Variants in DENND4A observed in about 807,000 individuals in gnomAD.
DENND4A encodes DENN domain containing 4A, also known as C-myc promoter-binding protein.
Under a neutral mutation model 199.3 loss-of-function variants are expected in DENND4A, and 70 were observed. The ratio of observed to expected loss-of-function variants is 0.35; its 90% CI spans 0.29 to 0.43. DENND4A has a LOEUF of 0.43. Among genes scored for constraint, DENND4A ranks in the 20% least tolerant of loss-of-function variants. The pLI, the probability that DENND4A is intolerant of heterozygous loss-of-function variation, is 1.00. For synonymous variants in DENND4A, 686 were observed against 766.9 expected (o/e 0.89, Z 1.74); for missense variants, 1,723 against 2,255.8 (o/e 0.76, Z 4.78).
Position 65,691,225 on chromosome 15 carries a change from A to C in DENND4A, c.3369T>G (p.Thr1123=). The change falls in exon 23 of 33, where the codon ACT becomes ACG. Residue 1123 remains threonine, a synonymous_variant. Transcript: ENST00000443035. ...TTAAAGGTGGCTTCCCAATATCAAG[A>C]GTATTTGGTCTCGTGCTTTTTGAGA... ...NVISKSTRPN[T]LDIGKPPLRS... is the part of the protein sequence containing the mutation. 6.2e-7 allele frequency: 1 copy of C among 1,613,400 alleles called. No individual in the cohort carries two copies. Among genetic ancestry groups the C allele is most frequent in the Non-Finnish European group, 8.5e-7 (1 of 1,179,652 alleles).
intron 23 of DENND4A, among the ~76,000 whole-genome samples, chr15:65,689,861 A>C (rs971396658): frequency 2.0e-5 from 3 of 152,182 alleles, no homozygotes; most frequent in African/African-American, 4.8e-5. Flanking sequence ...TCATGCCCAT[A>C]ATGAGCAAAT....
At chr15:65,709,615 A>G (rs1284225161) in intron 14 of DENND4A, among the ~76,000 whole-genome samples, 1 of 144,946 alleles carries the variant, frequency 6.9e-6, no homozygotes, top group East Asian at 2.1e-4. Flanking sequence ...AACTGCTTGA[A>G]CCCAGGAGAC....
intron 1 of DENND4A, among the ~76,000 whole-genome samples, chr15:65,788,077 A>ATTTTTTT (rs201917436): frequency 6.7e-6 from 1 of 149,568 alleles, no homozygotes; most frequent in African/African-American, 2.5e-5. Flanking sequence ...TTATTTATTT[A>ATTTTTTT]TTTATTTTTT....
Position 65,738,652 on chromosome 15 carries a change from A to G in DENND4A, c.801+54T>C, listed in dbSNP as rs577193683. On this transcript the variant is annotated intron_variant, in intron 6 of 32. Transcript: ENST00000443035. Reference sequence around the variant, plus strand: ...CCCCTACTATTCCTTGCATTATAGAAAACTTGAAAATGTACAAGAAATTTG... The same window carrying G: ...CCCCTACTATTCCTTGCATTATAGAGAACTTGAAAATGTACAAGAAATTTG... 1.6e-5 allele frequency: 24 copies of G among 1,502,218 alleles called. No homozygotes were observed. The South Asian group carries it at 3.1e-4, about 19-fold the overall frequency. The allele number at this position is 1,502,218 out of a possible 1,614,324, so 93.1% of individuals were successfully genotyped here. A position where few individuals can be genotyped will look rare whatever the true frequency, so the allele number is the denominator to read the frequency against.
At chr15:65,764,722 C>T (rs539915644) in intron 1 of DENND4A, among the ~76,000 whole-genome samples, 19 of 151,580 alleles carry the variant, frequency 1.3e-4, no homozygotes, top group African/African-American at 3.9e-4. Flanking sequence ...GCCTGTAATC[C>T]CAGCACTCTG....
intron 22 of DENND4A, among the ~76,000 whole-genome samples, chr15:65,694,712 C>T (rs1190701921): frequency 1.3e-5 from 2 of 152,068 alleles, no homozygotes; most frequent in African/African-American, 4.8e-5. Flanking sequence ...TGGTCTTTGG[C>T]AGCAGTAATA....
intron 1 of DENND4A, among the ~76,000 whole-genome samples, chr15:65,785,589 G>T (rs74366807): frequency 0.013 from 1,923 of 150,986 alleles, 46 homozygotes; most frequent in African/African-American, 0.045. Flanking sequence ...TAAAATTACC[G>T]AAAAATGTAG....
At chr15:65,732,699 ACAGAGCCAATAACAACTC>A in intron 8 of DENND4A, 35 bp downstream of exon 8, 1 of 1,039,350 alleles carries the variant, frequency 9.6e-7, no homozygotes, top group Non-Finnish European at 1.4e-6. Flanking sequence ...TTACATTTTG[ACAGAGCCAATAACAACTC>A]ATAGGTCCCC....
intron 13 of DENND4A, among the ~76,000 whole-genome samples, chr15:65,716,910 G>A (rs12900061): frequency 0.2 from 30,059 of 151,902 alleles, 3,996 homozygotes; most frequent in East Asian, 0.73. Context: ...AGCACCTGTT[G>A]TTTCCTGACT....
At chr15:65,746,414 T>G (rs1313883142) in intron 4 of DENND4A, among the ~76,000 whole-genome samples, 6 of 125,598 alleles carry the variant, frequency 4.8e-5, no homozygotes, top group Middle Eastern at 4.3e-3. Flanking sequence ...TGAGACGGAG[T>G]CTCGTTCTGT....
chr15:65,683,494 A>G (rs1161242965), intron 23 of DENND4A, among the ~76,000 whole-genome samples: 2 of 152,182 alleles, frequency 1.3e-5, no homozygotes. Flanking sequence ...AATCACTTCT[A>G]ACTACAGCAC....
In DENND4A at chr15:65,659,335, T is replaced by TTG. The variant is rs1566974987; in HGVS notation, c.*2515_*2516insCA. 7.7e-6 allele frequency: 1 copy of TTG among 129,242 alleles called. No homozygotes were observed. Among genetic ancestry groups the TTG allele is most frequent in the African/African-American group, 2.8e-5 (1 of 35,380 alleles). 8.0% of individuals were successfully genotyped at this position (129,242 alleles called of 1,614,324 possible). A position where few individuals can be genotyped will look rare whatever the true frequency, so the allele number is the denominator to read the frequency against. ...TGATATTTTCTGGTTTTTTTTTTTT[T>TTG]TTTTTTTTTTTTTTTTGAGACAGGG... On this transcript the variant is annotated 3_prime_UTR_variant, in exon 33 of 33. Transcript: ENST00000443035.
chr15:65,692,769 A>G (rs1455235620), intron 22 of DENND4A, among the ~76,000 whole-genome samples: 1 of 152,178 alleles, frequency 6.6e-6, no homozygotes, highest in Non-Finnish European at 1.5e-5. Flanking sequence ...AAATATTACT[A>G]AAGACCTGGA....
intron 23 of DENND4A, among the ~76,000 whole-genome samples, chr15:65,688,096 TTC>T (rs869223373): frequency 2.0e-4 from 31 of 152,300 alleles, no homozygotes; most frequent in African/African-American, 5.8e-4. Flanking sequence ...TAAAAATCTT[TTC>T]TCTCTTCTTC....
In DENND4A at chr15:65,700,545, T is replaced by C; in HGVS notation, c.2832A>G (p.Thr944=). 1 of 1,478,476 alleles carries C rather than the reference T, an allele frequency of 6.8e-7. No individual in the cohort carries two copies. Among genetic ancestry groups the C allele is most frequent in the Non-Finnish European group, 9.0e-7 (1 of 1,109,900 alleles). The allele number at this position is 1,478,476 out of a possible 1,614,324, so 91.6% of individuals were successfully genotyped here. ...ATGTATACATAAGCATACACAAACC[T>C]GTACTAGATCTATCATCAGTAGCAT... ...KVYATDDRSS[T]GGQSDLGYNS... The change falls in exon 20 of 33, where the codon ACA becomes ACG. Residue 944 remains threonine, a splice_region_variant and synonymous_variant. Coordinates refer to ENST00000443035, the MANE Select transcript of DENND4A (RefSeq NM_001320835.1).
Position 65,715,632 on chromosome 15 carries a change from C to CA in DENND4A, c.1808-10dup. 6.5e-7 allele frequency: 1 copy of CA among 1,534,282 alleles called. No homozygotes were observed. The highest frequency in any genetic ancestry group is 8.7e-7 in the Non-Finnish European group (1 of 1,143,392). ...CCGGCTTCTTAAGAAAGCTGTTCAA[C>CA]AAAAATATATAATGTCAGAATACAT... On this transcript the variant is annotated splice_polypyrimidine_tract_variant and intron_variant, in intron 13 of 32. Coordinates refer to ENST00000443035, the MANE Select transcript of DENND4A (RefSeq NM_001320835.1).
intron 1 of DENND4A, among the ~76,000 whole-genome samples, chr15:65,775,186 A>T (rs909064958): frequency 2.0e-5 from 3 of 151,544 alleles, no homozygotes; most frequent in South Asian, 4.2e-4. Flanking sequence ...TCTACAAAAA[A>T]ATTTTTTTAA....
In DENND4A at chr15:65,690,403, A is replaced by G. The variant is rs1457788493; in HGVS notation, c.4179+12T>C. 6.5e-7 allele frequency: 1 copy of G among 1,544,528 alleles called. No individual in the cohort carries two copies. Among genetic ancestry groups the G allele is most frequent in the African/African-American group, 1.4e-5 (1 of 73,028 alleles). Reference sequence around the variant, plus strand: ...TGTGACAGTAAAAGTAGCAAATACTAACCAAACTTACCTTAGATGATGTGG... The same window carrying G: ...TGTGACAGTAAAAGTAGCAAATACTGACCAAACTTACCTTAGATGATGTGG... On this transcript the variant is annotated intron_variant, in intron 23 of 32. Coordinates refer to ENST00000443035, the MANE Select transcript of DENND4A (RefSeq NM_001320835.1).
chr15:65,671,902 A>G lies in DENND4A; in HGVS notation c.4370-16T>C. 6.9e-7 allele frequency: 1 copy of G among 1,456,594 alleles called. No homozygotes were observed. Among genetic ancestry groups the G allele is most frequent in the South Asian group, 1.1e-5 (1 of 87,898 alleles). The allele number at this position is 1,456,594 out of a possible 1,614,324, so 90.2% of individuals were successfully genotyped here. On this transcript the variant is annotated splice_polypyrimidine_tract_variant and intron_variant, in intron 24 of 32. Coordinates refer to ENST00000443035, the MANE Select transcript of DENND4A (RefSeq NM_001320835.1). ...GACAGAGATCCTGTTCATTAGTGAA[A>G]AACAAAGAACAGAAACCATTAAAAT...
Sources: gnomAD v4.1 joint callset for allele counts (sites outside exome capture counted in the v4.1 genomes callset) on GRCh38, gnomAD v4.1.1 for gene constraint, MANE v1.5 for transcripts, NCBI Gene and HGNC (gene_info 2026-07-23, HGNC 2026-07-21) for gene names.